Variants in PTPRG observed in about 807,000 individuals in gnomAD.
PTPRG encodes protein tyrosine phosphatase receptor type G, also known as receptor-type tyrosine-protein phosphatase gamma.
Under a neutral mutation model 165.3 loss-of-function variants are expected in PTPRG, and 102 were observed. The ratio of observed to expected loss-of-function variants is 0.62; its 90% CI spans 0.53 to 0.73. PTPRG has a LOEUF of 0.73. Among genes scored for constraint, PTPRG ranks in the 30% least tolerant of loss-of-function variants. PTPRG has a pLI of 0.00. For synonymous variants in PTPRG, 675 were observed against 669.5 expected, an observed-to-expected ratio of 1.01 and a Z score of -0.13; for missense variants, 1,866 against 1,861.4, an observed-to-expected ratio of 1.00 and a Z score of -0.05.
intron 2 of PTPRG, among the ~76,000 whole-genome samples, chr3:61,890,845 C>T (rs143715360): frequency 1.3e-5 from 2 of 152,094 alleles, no homozygotes; most frequent in Non-Finnish European, 2.9e-5. Flanking sequence ...TGAGAGAATG[C>T]GAAGCATTCT....
chr3:61,693,140 T>C (rs942851852), intron 1 of PTPRG, among the ~76,000 whole-genome samples: 1 of 152,226 alleles, frequency 6.6e-6, no homozygotes, highest in Non-Finnish European at 1.5e-5. Context: ...ATATCAGATG[T>C]CTCAGTTTTA....
At chr3:61,881,407 C>G (rs1191877711) in intron 2 of PTPRG, among the ~76,000 whole-genome samples, 2 of 152,036 alleles carry the variant, frequency 1.3e-5, no homozygotes, top group Non-Finnish European at 1.5e-5. Context: ...AGGTAGAATC[C>G]CAGGTGGTGA....
chr3:61,701,225 G>A (rs1007913410), intron 1 of PTPRG, among the ~76,000 whole-genome samples: 3 of 152,040 alleles, frequency 2.0e-5, no homozygotes, highest in Admixed American at 1.3e-4. Context: ...GATTCTTTGG[G>A]GACTGTGTTT....
intron 4 of PTPRG, among the ~76,000 whole-genome samples, chr3:62,004,352 CA>C (rs1449567433): frequency 6.6e-6 from 1 of 152,126 alleles, no homozygotes; most frequent in African/African-American, 2.4e-5. Flanking sequence ...TTTGGATAAA[CA>C]TAGAAATTGA....
rs866778432 is a variant in PTPRG at position 62,117,090 on chromosome 3, C to T, written c.616-15512C>T. On this transcript the variant is annotated intron_variant, in intron 5 of 29. Coordinates refer to ENST00000474889, the MANE Select transcript of PTPRG (RefSeq NM_002841.4). ...ACTTTCTATGACACTTGCAGAAGAACGTGTACCCTGAGACTTCTGCTTTAT... is the reference window on the plus strand; with the variant it reads ...ACTTTCTATGACACTTGCAGAAGAATGTGTACCCTGAGACTTCTGCTTTAT... Among the ~76,000 whole-genome samples, 7 of 152,278 alleles carry T rather than the reference C, an allele frequency of 4.6e-5. No individual in the cohort carries two copies. The South Asian group carries it at 6.2e-4, about 14-fold the overall frequency.
At chr3:61,975,961 A>G (rs2040493014) in intron 2 of PTPRG, among the ~76,000 whole-genome samples, 1 of 152,232 alleles carries the variant, frequency 6.6e-6, no homozygotes, top group African/African-American at 2.4e-5. Context: ...AAATGCCCCC[A>G]CTGTCATGTG....
intron 4 of PTPRG, among the ~76,000 whole-genome samples, chr3:62,050,970 A>G (rs1390806482): frequency 6.6e-6 from 1 of 152,202 alleles, no homozygotes; most frequent in African/African-American, 2.4e-5. Flanking sequence ...CTGTACTCCA[A>G]GGTTCTATAG....
intron 2 of PTPRG, among the ~76,000 whole-genome samples, chr3:61,928,976 G>T (rs1418946661): frequency 6.6e-6 from 1 of 152,136 alleles, no homozygotes; most frequent in Non-Finnish European, 1.5e-5. Context: ...GTTGCTATTG[G>T]CAGTCTAGCG....
intron 1 of PTPRG, among the ~76,000 whole-genome samples, chr3:61,617,880 T>C (rs576397628): frequency 2.0e-5 from 3 of 152,346 alleles, no homozygotes; most frequent in Admixed American, 6.5e-5. Flanking sequence ...AGTAAGAGCT[T>C]GTATCGTATT....
chr3:61,920,057 CT>C (rs1178926202), intron 2 of PTPRG, among the ~76,000 whole-genome samples: 1 of 152,188 alleles, frequency 6.6e-6, no homozygotes, highest in African/African-American at 2.4e-5. Context: ...TTGTGACATA[CT>C]ATTGTGGAGG....
chr3:61,877,458 A>G lies in PTPRG; in HGVS notation c.191-112167A>G, dbSNP rs76254170. ...CCACAGAGAAGCCACAAAGGTGCCTACATGTGGTTGTTGTGTAGTTTATCA... is the reference window on the plus strand; with the variant it reads ...CCACAGAGAAGCCACAAAGGTGCCTGCATGTGGTTGTTGTGTAGTTTATCA... On this transcript the variant is annotated intron_variant, in intron 2 of 29. Transcript: ENST00000474889. 4.1e-3 allele frequency among the ~76,000 whole-genome samples: 621 copies of G among 152,306 alleles called. 3 individuals carry two copies. Among genetic ancestry groups the G allele is most frequent in the African/African-American group, 0.014 (567 of 41,562 alleles).
At chr3:62,104,353 A>T (rs987588067) in intron 5 of PTPRG, among the ~76,000 whole-genome samples, 4 of 152,198 alleles carry the variant, frequency 2.6e-5, no homozygotes, top group African/African-American at 9.6e-5. Flanking sequence ...TTGTCAGCCA[A>T]ATATGAGATT....
chr3:61,572,420 C>T (rs6445225), intron 1 of PTPRG, among the ~76,000 whole-genome samples: 1 of 151,842 alleles, frequency 6.6e-6, no homozygotes, highest in East Asian at 1.9e-4. Flanking sequence ...AAACGAAGCT[C>T]GTTCTGGATC....
At position 61,989,743 on chromosome 3, in the gene PTPRG, A is replaced by G. The variant is rs1316053208; in HGVS notation, c.309A>G (p.Gln103=). 6.2e-7 allele frequency: 1 copy of G among 1,613,984 alleles called. No homozygotes were observed. The highest frequency in any genetic ancestry group is 8.5e-7 in the Non-Finnish European group (1 of 1,180,004). Residue 103 remains glutamine, a synonymous_variant, in exon 3 of 30, where the codon CAA becomes CAG. Coordinates refer to ENST00000474889, the MANE Select transcript of PTPRG (RefSeq NM_002841.4). ...ARVGEEYQEL[Q]LDGFDNESSN... ...TTGGGGAAGAATACCAGGAACTGCA[A>G]CTCGATGGCTTCGACAATGAGTCTT...
chr3:62,124,753 A>G (rs954289450), intron 5 of PTPRG: 22 of 496,150 alleles, frequency 4.4e-5, no homozygotes, highest in African/African-American at 4.3e-4. Flanking sequence ...TTTTCTAGAG[A>G]TGTTGTGTTG....
chr3:61,779,169 A>G (rs2034472670), intron 2 of PTPRG, among the ~76,000 whole-genome samples: 1 of 152,134 alleles, frequency 6.6e-6, no homozygotes, highest in Non-Finnish European at 1.5e-5. Flanking sequence ...CTTTTGAGAT[A>G]CCTCATTTTG....
chr3:62,053,834 G>A (rs1700544090), intron 4 of PTPRG, among the ~76,000 whole-genome samples: 1 of 152,122 alleles, frequency 6.6e-6, no homozygotes, highest in Admixed American at 6.5e-5. Flanking sequence ...TCAAACTGCT[G>A]GTTAGATAAT....
chr3:61,740,577 C>A (rs1412760678), intron 1 of PTPRG, among the ~76,000 whole-genome samples: 1 of 151,970 alleles, frequency 6.6e-6, no homozygotes, highest in East Asian at 1.9e-4. Context: ...GTAACTGACA[C>A]TATTTAAGAG....
chr3:61,990,157 T>C (rs2040850547), intron 3 of PTPRG, among the ~76,000 whole-genome samples: 1 of 152,088 alleles, frequency 6.6e-6, no homozygotes, highest in Non-Finnish European at 1.5e-5. Context: ...CATTTAAGTT[T>C]TAATTAAAAA....
Sources: allele counts gnomAD v4.1 joint callset (sites outside exome capture counted in the v4.1 genomes callset), GRCh38; gene constraint gnomAD v4.1.1; transcripts MANE v1.5; gene names NCBI Gene and HGNC (gene_info 2026-07-23, HGNC 2026-07-21).